The following NTM variants were observed in gnomAD, a reference collection of about 807,000 sequenced individuals.
The protein encoded by NTM is neurotrimin.
Under a neutral mutation model 42.1 loss-of-function variants are expected in NTM, and 13 were observed. The observed-to-expected ratio is 0.31, with a 90% CI of 0.20 to 0.49. The LOEUF is 0.49. Ranked by LOEUF, NTM falls within the 20% of genes least tolerant of loss-of-function variation. The pLI is 0.99. For synonymous variants in NTM, 187 were observed against 179.2 expected, an observed-to-expected ratio of 1.04 and a Z score of -0.35; for missense variants, 373 against 452.8, an observed-to-expected ratio of 0.82 and a Z score of 1.60.
chr11:131,786,970 C>T (rs1352152844), intron 1 of NTM, among the ~76,000 whole-genome samples: 1 of 151,806 alleles, frequency 6.6e-6, no homozygotes, highest in Non-Finnish European at 1.5e-5. Flanking sequence ...ACTCTGGCTT[C>T]CTATAAACAT....
chr11:132,169,152 G>A (rs532780458), intron 3 of NTM, among the ~76,000 whole-genome samples: 45 of 151,702 alleles, frequency 3.0e-4, no homozygotes, highest in Non-Finnish European at 5.9e-4. Flanking sequence ...GTTCATTCTT[G>A]TTTTCTCTTA....
At chr11:131,448,337 T>C (rs1349246256) in intron 1 of NTM, among the ~76,000 whole-genome samples, 1 of 152,188 alleles carries the variant, frequency 6.6e-6, no homozygotes, top group African/African-American at 2.4e-5. Context: ...TCTGCCCCCA[T>C]GGACTCATCC....
intron 1 of NTM, among the ~76,000 whole-genome samples, chr11:131,802,146 A>G (rs1282274728): frequency 2.0e-5 from 3 of 152,216 alleles, no homozygotes; most frequent in African/African-American, 7.2e-5. Flanking sequence ...AACTGACAAT[A>G]AAAGACTCCT....
At chr11:131,917,880 A>G (rs112816802) in intron 2 of NTM, among the ~76,000 whole-genome samples, 3 of 152,178 alleles carry the variant, frequency 2.0e-5, no homozygotes, top group Admixed American at 1.3e-4. Flanking sequence ...GAGGAGCCAA[A>G]AACTAAAATG....
chr11:131,828,649 C>A (rs1397247553), intron 1 of NTM, among the ~76,000 whole-genome samples: 1 of 152,134 alleles, frequency 6.6e-6, no homozygotes, highest in Non-Finnish European at 1.5e-5. Context: ...CTACCACCAC[C>A]ACTGTTACTA....
intron 1 of NTM, among the ~76,000 whole-genome samples, chr11:131,586,030 T>C (rs908137): frequency 0.2 from 31,024 of 152,258 alleles, 5,539 homozygotes; most frequent in African/African-American, 0.49. Flanking sequence ...CTCTAAAAGT[T>C]CAGTGAAATT....
At chr11:132,105,372 G>C (rs1319286152) in intron 2 of NTM, among the ~76,000 whole-genome samples, 1 of 152,092 alleles carries the variant, frequency 6.6e-6, no homozygotes, top group Non-Finnish European at 1.5e-5. Flanking sequence ...TAGTAGTACT[G>C]TTAGCTCAGA....
chr11:131,931,466 T>C (rs552978190), intron 2 of NTM, among the ~76,000 whole-genome samples: 192 of 124,490 alleles, frequency 1.5e-3, no homozygotes, highest in Middle Eastern at 7.6e-3. Context: ...TAATAATATA[T>C]ACGTGTGTGT....
chr11:131,977,003 A>T (rs1410019422), intron 2 of NTM, among the ~76,000 whole-genome samples: 1 of 148,720 alleles, frequency 6.7e-6, no homozygotes, highest in East Asian at 2.0e-4. Flanking sequence ...TCATGAGCAC[A>T]GGGGTGACCA....
intron 1 of NTM, among the ~76,000 whole-genome samples, chr11:131,508,727 C>G (rs2136437613): frequency 6.6e-6 from 1 of 151,110 alleles, no homozygotes; most frequent in African/African-American, 2.4e-5. Context: ...GAGTTCATGT[C>G]CTTTGTAGGG....
At chr11:131,400,338 A>G (rs918422223) in intron 1 of NTM, among the ~76,000 whole-genome samples, 1 of 152,090 alleles carries the variant, frequency 6.6e-6, no homozygotes, top group African/African-American at 2.4e-5. Flanking sequence ...TGTGCTGAAG[A>G]CCATGCTCAT....
intron 1 of NTM, chr11:131,535,296 G>A (rs892593076): frequency 9.2e-5 from 14 of 152,150 alleles, no homozygotes; most frequent in Admixed American, 3.3e-4. Flanking sequence ...AGCCAAGGGT[G>A]TAAACAGTTA....
In NTM at chr11:132,146,895, T is replaced by C. The variant is rs929096238; in HGVS notation, c.400+381T>C. On this transcript the variant is annotated intron_variant, in intron 3 of 8. Coordinates refer to ENST00000683400, the MANE Select transcript of NTM (RefSeq NM_001352005.2). The surrounding 1 kb of genome is among the most constrained non-coding windows in gnomAD (Gnocchi z 4.5). ...CTGTGTTATGTTTAAAACCAGACTT[T>C]TAATGCACTTTTGGAAGTACAGGTA... 4 of 223,340 alleles carry C rather than the reference T, an allele frequency of 1.8e-5. No homozygotes were observed. Among genetic ancestry groups the C allele is most frequent in the Non-Finnish European group, 2.6e-5 (3 of 113,510 alleles). The allele number at this position is 223,340 out of a possible 1,614,324, so 13.8% of individuals were successfully genotyped here. A position where few individuals can be genotyped will look rare whatever the true frequency, so the allele number is the denominator to read the frequency against.
chr11:131,904,922 G>A (rs1441246748), intron 1 of NTM, among the ~76,000 whole-genome samples: 3 of 152,154 alleles, frequency 2.0e-5, no homozygotes, highest in African/African-American at 7.2e-5. Flanking sequence ...CTACATCTCA[G>A]CATGACGTTC....
intron 3 of NTM, among the ~76,000 whole-genome samples, chr11:132,157,267 A>G (rs1408731092): frequency 6.6e-6 from 1 of 152,254 alleles, no homozygotes; most frequent in Non-Finnish European, 1.5e-5. Flanking sequence ...GATATTTGAA[A>G]TCTGCCCCAA....
rs150283782 is a variant in NTM, at chr11:131,763,164, C to T, written c.83-148400C>T. 1.5e-3 allele frequency among the ~76,000 whole-genome samples: 227 copies of T among 151,960 alleles called. 1 individual carries two copies. The highest frequency in any genetic ancestry group is 2.3e-3 in the Non-Finnish European group (158 of 67,958). On this transcript the variant is annotated intron_variant, in intron 1 of 8. Transcript: ENST00000683400. The stretch of plus-strand genomic sequence containing the variant: ...CCATAAACACACCTTTACATAAAAC[C>T]CAGGCAGCCTGACTGCCAAGCTTTG...
At chr11:131,880,718 A>G (rs755041571) in intron 1 of NTM, among the ~76,000 whole-genome samples, 1 of 152,142 alleles carries the variant, frequency 6.6e-6, no homozygotes, top group Non-Finnish European at 1.5e-5. Flanking sequence ...CCGGCGTTCA[A>G]TTTATAGCCT....
At chr11:132,117,261 A>C (rs1173432841) in intron 2 of NTM, among the ~76,000 whole-genome samples, 1 of 152,244 alleles carries the variant, frequency 6.6e-6, no homozygotes. Context: ...CAATGTCTCC[A>C]TAAGGGAAGG....
intron 4 of NTM, among the ~76,000 whole-genome samples, chr11:132,270,755 C>T (rs899905070): frequency 1.3e-5 from 2 of 151,278 alleles, no homozygotes; most frequent in African/African-American, 4.9e-5. Context: ...ATGGTTGAGC[C>T]GCTTTACACC....
Sources: gnomAD v4.1 joint callset for allele counts (sites outside exome capture counted in the v4.1 genomes callset) on GRCh38, gnomAD v4.1.1 for gene constraint, Gnocchi (gnomAD v3.1) non-coding constraint, MANE v1.5 for transcripts, NCBI Gene and HGNC (gene_info 2026-07-23, HGNC 2026-07-21) for gene names.